PRP4K: variants seen among roughly 807,000 people sequenced by gnomAD.
PRP4K encodes the protein pre-mRNA processing factor kinase PRP4K.
chr6:4,042,690 CT>C, the PRP4K span: 1 of 642,572 alleles, frequency 1.6e-6, no homozygotes. Context: ...ATAAAATTAT[CT>C]TTGTGAAGTT....
the PRP4K span, among the ~76,000 whole-genome samples, chr6:4,028,824 A>T: frequency 1.3e-5 from 2 of 151,870 alleles, no homozygotes; most frequent in African/African-American, 4.8e-5. Context: ...TCTCAGTCAT[A>T]CCGCCATTCT....
the PRP4K span, among the ~76,000 whole-genome samples, chr6:4,044,708 A>G: frequency 0.029 from 4,429 of 152,176 alleles, 110 homozygotes; most frequent in Non-Finnish European, 0.048. Flanking sequence ...TACTTTCTAG[A>G]ACAGGAACCA....
the PRP4K span, chr6:4,056,999 C>G: frequency 6.7e-7 from 1 of 1,499,572 alleles, no homozygotes; most frequent in South Asian, 1.3e-5. Flanking sequence ...TCAGTTTTCT[C>G]TATCCTCGTA....
At chr6:4,036,102 C>A in the PRP4K span, among the ~76,000 whole-genome samples, 1 of 152,158 alleles carries the variant, frequency 6.6e-6, no homozygotes. Flanking sequence ...TGTTCAAAAC[C>A]TGTTTTAAAA....
chr6:4,051,667 A>C, the PRP4K span, among the ~76,000 whole-genome samples: 1 of 152,180 alleles, frequency 6.6e-6, no homozygotes, highest in African/African-American at 2.4e-5. Flanking sequence ...CAAAATCAAA[A>C]TTTTTTAAAA....
At chr6:4,061,317 T>A in the PRP4K span, 1 of 152,804 alleles carries the variant, frequency 6.5e-6, no homozygotes, top group Middle Eastern at 3.2e-3. Flanking sequence ...TGTTTGTTCA[T>A]CACATTTAAA....
At chr6:4,049,712 T>C in the PRP4K span, 1 of 1,597,554 alleles carries the variant, frequency 6.3e-7, no homozygotes, top group East Asian at 2.2e-5. Context: ...GAATTCTAAT[T>C]TTTCAATTTG....
the PRP4K span, chr6:4,021,464 A>G: frequency 1.3e-6 from 2 of 1,582,888 alleles, no homozygotes; most frequent in Non-Finnish European, 1.7e-6. Context: ...GGGAGCAGCC[A>G]GAGTAAGTAG....
chr6:4,045,745 A>G, the PRP4K span, among the ~76,000 whole-genome samples: 452 of 152,330 alleles, frequency 3.0e-3, 3 homozygotes, highest in African/African-American at 0.01. Flanking sequence ...TTAAAATTTC[A>G]GTGGTTGTTT....
chr6:4,038,447 A>G, the PRP4K span, among the ~76,000 whole-genome samples: 3 of 146,946 alleles, frequency 2.0e-5, no homozygotes, highest in Non-Finnish European at 3.0e-5. Context: ...CACCATGCCC[A>G]GCTTTTTTTT....
At chr6:4,052,121 A>G in the PRP4K span, 7 of 1,526,010 alleles carry the variant, frequency 4.6e-6, no homozygotes, top group South Asian at 9.3e-5. Context: ...TGTGCATTAA[A>G]TTGCAAATTT....
At chr6:4,032,076 A>G in the PRP4K span, 3 of 1,613,942 alleles carry the variant, frequency 1.9e-6, no homozygotes, top group Admixed American at 3.3e-5. Flanking sequence ...AAGTAAAAGC[A>G]GATCCAAAGA....
At chr6:4,031,408 A>G in the PRP4K span, 2 of 549,880 alleles carry the variant, frequency 3.6e-6, no homozygotes, top group South Asian at 6.2e-5. Flanking sequence ...CCTTCTTTGA[A>G]ATAAAATGTC....
chr6:4,050,528 T>A, the PRP4K span: 1 of 197,770 alleles, frequency 5.1e-6, no homozygotes, highest in African/African-American at 2.3e-5. Context: ...AAGGATCATG[T>A]TGATTAGCTG....
At chr6:4,049,000 G>T in the PRP4K span, 1 of 1,597,414 alleles carries the variant, frequency 6.3e-7, no homozygotes, top group Non-Finnish European at 8.6e-7. Context: ...TGTTCATGTT[G>T]CCTCTTTAAT....
chr6:4,033,246 T>A, the PRP4K span, among the ~76,000 whole-genome samples: 3 of 152,228 alleles, frequency 2.0e-5, no homozygotes, highest in East Asian at 3.8e-4. Context: ...CAATATTTTT[T>A]GGTCCCCAAA....
chr6:4,031,879 A>T, the PRP4K span: 1 of 1,614,108 alleles, frequency 6.2e-7, no homozygotes, highest in South Asian at 1.1e-5. Flanking sequence ...GCCGAACTTG[A>T]TAATGAGTTA....
chr6:4,034,183 CATATT>C, the PRP4K span, among the ~76,000 whole-genome samples: 57 of 151,820 alleles, frequency 3.8e-4, no homozygotes, highest in Admixed American at 2.1e-3. Flanking sequence ...AAACTGGAGT[CATATT>C]ATTCATATTC....
the PRP4K span, chr6:4,058,630 T>G: frequency 1.1e-6 from 1 of 902,148 alleles, no homozygotes; most frequent in South Asian, 1.5e-5. Flanking sequence ...CTACAGAGAC[T>G]AAATAACATA....
Sources: allele counts gnomAD v4.1 joint callset (sites outside exome capture counted in the v4.1 genomes callset), GRCh38; gene constraint gnomAD v4.1.1; transcripts MANE v1.5; gene names NCBI Gene and HGNC (gene_info 2026-07-23, HGNC 2026-07-21).